The following HTD2 variants were observed in gnomAD, a reference collection of about 807,000 sequenced individuals.
HTD2 encodes the protein hydroxyacyl-thioester dehydratase type 2, mitochondrial.
Under a neutral mutation model 3.1 loss-of-function variants are expected in HTD2, and 1 was observed. The ratio of observed to expected loss-of-function variants is 0.32; its 90% CI spans 0.11 to 1.52. The LOEUF is 1.52. Ranked by LOEUF, HTD2 falls within the 40% of genes most tolerant of loss-of-function variation. HTD2 has a pLI of 0.39. For synonymous variants in HTD2, 50 were observed against 28.9 expected (o/e 1.73, Z -2.34); for missense variants, 150 against 79.6 (o/e 1.88, Z -3.36).
intron 2 of HTD2, among the ~76,000 whole-genome samples, chr3:58,314,224 G>T (rs1258239209): frequency 6.6e-6 from 1 of 152,200 alleles, no homozygotes; most frequent in Non-Finnish European, 1.5e-5. Context: ...GGTGGCACAT[G>T]CCTGTAACCC....
At chr3:58,315,345 C>G (rs1343699110) in intron 2 of HTD2, among the ~76,000 whole-genome samples, 3 of 149,060 alleles carry the variant, frequency 2.0e-5, no homozygotes, top group Non-Finnish European at 3.0e-5. Context: ...TATATATAAT[C>G]TGGAGAAAGG....
chr3:58,318,034 G>A lies in HTD2; in HGVS notation c.421G>A (p.Ala141Thr), dbSNP rs1188204492. 5.7e-6 allele frequency: 4 copies of A among 702,392 alleles called. No individual in the cohort carries two copies. Among genetic ancestry groups the A allele is most frequent in the Non-Finnish European group, 5.2e-6 (2 of 384,910 alleles). The allele number at this position is 702,392 out of a possible 1,614,324, so 43.5% of individuals were successfully genotyped here. Reference protein sequence around the residue: ...KKLKRFIAIIAVSCSVIESKK... With the variant: ...KKLKRFIAIITVSCSVIESKK... ...GCTGAAGCGGTTCATTGCTATTATT[G>A]CAGTGTCATGTTCTGTAATAGAAAG... Residue 141 changes from alanine to threonine, a missense_variant, in exon 5 of 5, where the codon GCA becomes ACA. Coordinates refer to ENST00000461393, the MANE Select transcript of HTD2 (RefSeq NM_001348712.2).
chr3:58,310,463 A>G, intron 1 of HTD2, 44 bp from the exon 2 acceptor site: 1 of 1,595,126 alleles, frequency 6.3e-7, no homozygotes, highest in East Asian at 2.2e-5. Flanking sequence ...GAATCTGAAT[A>G]GAATGAAATT....
chr3:58,316,529 A>G lies in HTD2; in HGVS notation c.-316A>G, dbSNP rs1045781112. Reference sequence around the variant, plus strand: ...TCCATATGCAGGTTGATGCCGCCTTACCTTTGGACATCCTAACCTATGAAG... The same window carrying G: ...TCCATATGCAGGTTGATGCCGCCTTGCCTTTGGACATCCTAACCTATGAAG... On this transcript the variant is annotated 5_prime_UTR_variant, in exon 3 of 5. Transcript: ENST00000461393. 1 of 1,613,918 alleles carries G rather than the reference A, an allele frequency of 6.2e-7. No individual in the cohort carries two copies. The highest frequency in any genetic ancestry group is 1.3e-5 in the African/African-American group (1 of 74,924).
At chr3:58,310,886 C>T (rs1012034527) in intron 2 of HTD2, among the ~76,000 whole-genome samples, 27 of 148,672 alleles carry the variant, frequency 1.8e-4, no homozygotes, top group South Asian at 2.1e-4. Context: ...GCCGAGATAA[C>T]GCCACTGCAC....
At chr3:58,311,347 G>A (rs2097482047) in intron 2 of HTD2, among the ~76,000 whole-genome samples, 1 of 152,190 alleles carries the variant, frequency 6.6e-6, no homozygotes, top group Admixed American at 6.5e-5. Flanking sequence ...TAGAGACAGG[G>A]TTTCGTCATG....
rs987298165 is a variant in HTD2, at chr3:58,316,741, C to T, written c.-254+150C>T. 8 of 877,302 alleles carry T rather than the reference C, an allele frequency of 9.1e-6. No individual in the cohort carries two copies. In the South Asian group the frequency reaches 1.1e-4, roughly 12 times the overall value. The allele number at this position is 877,302 out of a possible 1,614,324, so 54.3% of individuals were successfully genotyped here. ...AACTGGGATGAATATGAACATTCAT[C>T]CACCAGAAACTTGTACTCTAGAGAG... is the stretch of plus-strand genomic sequence containing the variant. On this transcript the variant is annotated intron_variant, in intron 3 of 4. Coordinates refer to ENST00000461393, the MANE Select transcript of HTD2 (RefSeq NM_001348712.2).
At chr3:58,308,229 A>G (rs1412198461) in intron 1 of HTD2, among the ~76,000 whole-genome samples, 2 of 152,094 alleles carry the variant, frequency 1.3e-5, no homozygotes, top group Non-Finnish European at 2.9e-5. Context: ...GGCCTATACC[A>G]CTATCACTTT....
Position 58,316,815 on chromosome 3 carries a change from A to T in HTD2, c.-253-100A>T. The T allele has an allele frequency of 3.7e-6, 4 of 1,090,504 alleles. No individual in the cohort carries two copies. The South Asian group carries it at 5.7e-5, about 16-fold the overall frequency. 67.6% of individuals were successfully genotyped at this position (1,090,504 alleles called of 1,614,324 possible). Reference sequence around the variant, plus strand: ...AGCTGTAGTTTTCCCATTGATGGTTATAGTTGCAAAGTCAGAAGTGAATAT... The same window carrying T: ...AGCTGTAGTTTTCCCATTGATGGTTTTAGTTGCAAAGTCAGAAGTGAATAT... On this transcript the variant is annotated intron_variant, in intron 3 of 4. Transcript: ENST00000461393.
At chr3:58,306,885 G>C (rs1314803761) in intron 1 of HTD2, among the ~76,000 whole-genome samples, 2 of 152,310 alleles carry the variant, frequency 1.3e-5, no homozygotes, top group South Asian at 2.1e-4. Flanking sequence ...AGATAAACGA[G>C]TTACATAATT....
chr3:58,312,450 T>C (rs1213551312), intron 2 of HTD2, among the ~76,000 whole-genome samples: 6 of 151,364 alleles, frequency 4.0e-5, no homozygotes, highest in Non-Finnish European at 8.8e-5. Flanking sequence ...CTAGAGATTA[T>C]TTTAAAACTG....
At chr3:58,312,486 T>G (rs1302859895) in intron 2 of HTD2, among the ~76,000 whole-genome samples, 1 of 152,106 alleles carries the variant, frequency 6.6e-6, no homozygotes, top group Non-Finnish European at 1.5e-5. Context: ...AAGTAAACTT[T>G]CAGAAGTGAT....
chr3:58,317,770 G>C lies in HTD2; in HGVS notation c.157G>C (p.Val53Leu), dbSNP rs765149764. 1 of 703,206 alleles carries C rather than the reference G, an allele frequency of 1.4e-6. No homozygotes were observed. The allele number at this position is 703,206 out of a possible 1,614,324, so 43.6% of individuals were successfully genotyped here. A position where few individuals can be genotyped will look rare whatever the true frequency, so the allele number is the denominator to read the frequency against. ...ELRRAFTQTD[V>L]ATFSELTGDV... ...TAGGAGGGCCTTCACACAGACTGATGTGGCTACCTTCTCAGAATTAACAGG... is the reference window on the plus strand; with the variant it reads ...TAGGAGGGCCTTCACACAGACTGATCTGGCTACCTTCTCAGAATTAACAGG... Residue 53 changes from valine (V) to leucine (L), a missense_variant, in exon 5 of 5, where the codon GTG (valine) becomes CTG (leucine). Transcript: ENST00000461393.
In HTD2 at chr3:58,318,110, C is replaced by G. The variant is rs527385510; in HGVS notation, c.497C>G (p.Ser166Cys). 3.1e-6 allele frequency: 2 copies of G among 644,564 alleles called. No individual in the cohort carries two copies. Among genetic ancestry groups the G allele is most frequent in the African/African-American group, 3.7e-5 (2 of 54,634 alleles). The allele number at this position is 644,564 out of a possible 1,614,324, so 39.9% of individuals were successfully genotyped here. ...GWVKVMVPEASKS is the reference protein window; with the variant it reads ...GWVKVMVPEACKS Reference sequence around the variant, plus strand: ...GTTAAAGTTATGGTTCCAGAAGCTTCCAAATCCTGAAATAGATGTTTTAAA... The same window carrying G: ...GTTAAAGTTATGGTTCCAGAAGCTTGCAAATCCTGAAATAGATGTTTTAAA... Residue 166 changes from serine (S) to cysteine (C), a missense_variant, in exon 5 of 5, where the codon TCC (serine) becomes TGC (cysteine). Ser to Cys is a moderately radical substitution (Grantham distance 112). Transcript: ENST00000461393.
At chr3:58,310,454 A>G (rs1437276855) in intron 1 of HTD2, 53 bp from the exon 2 acceptor site, 13 of 1,604,604 alleles carry the variant, frequency 8.1e-6, no homozygotes, top group Non-Finnish European at 1.1e-5. Context: ...TTCTAACATG[A>G]ATCTGAATAG....
rs1157936569 is a variant in HTD2, at chr3:58,315,091, G to T, written c.-330-1424G>T. 2.6e-5 allele frequency among the ~76,000 whole-genome samples: 4 copies of T among 152,050 alleles called. No homozygotes were observed. The East Asian group carries it at 7.7e-4, about 29-fold the overall frequency. On this transcript the variant is annotated intron_variant, in intron 2 of 4. Transcript: ENST00000461393. ...AAAACTTAAGTTCACACAAAAGCCT[G>T]TACATGAATATTCATAGCAGCTTTA...
At chr3:58,316,779 G>A (rs1455114910) in intron 3 of HTD2, 136 bp from the exon 4 acceptor site, 8 of 893,588 alleles carry the variant, frequency 9.0e-6, no homozygotes, top group East Asian at 5.1e-5. Flanking sequence ...CAAAACTTAC[G>A]ATTTGGTTAC....
chr3:58,316,609 A>C lies in HTD2; in HGVS notation c.-254+18A>C. On this transcript the variant is annotated intron_variant, in intron 3 of 4. Coordinates refer to ENST00000461393, the MANE Select transcript of HTD2 (RefSeq NM_001348712.2). ...TGTAGCAGGTATGACAGAGAGTGGG[A>C]AATTTCTAGTATAACAGGGCAGAGA... 1 of 1,601,170 alleles carries C rather than the reference A, an allele frequency of 6.2e-7. No homozygotes were observed. The highest frequency in any genetic ancestry group is 8.6e-7 in the Non-Finnish European group (1 of 1,168,408).
chr3:58,310,953 CTTTTCAAACATCAA>C (rs2097481548), intron 2 of HTD2, among the ~76,000 whole-genome samples: 1 of 114,730 alleles, frequency 8.7e-6, no homozygotes, highest in Non-Finnish European at 1.7e-5. Context: ...AGAAAGAATG[CTTTTCAAACATCAA>C]AAAAAAAAAA....
Sources: allele counts gnomAD v4.1 joint callset (sites outside exome capture counted in the v4.1 genomes callset), GRCh38; gene constraint gnomAD v4.1.1; transcripts MANE v1.5; gene names NCBI Gene and HGNC (gene_info 2026-07-23, HGNC 2026-07-21).